Variants in PPP4R3A observed in about 807,000 individuals in gnomAD.
PPP4R3A encodes protein phosphatase 4 regulatory subunit 3A.
A neutral mutation model predicts 91.7 loss-of-function variants in PPP4R3A; 15 were observed. The observed-to-expected ratio is 0.16, with a 90% CI of 0.11 to 0.25. The LOEUF (loss-of-function observed/expected upper bound fraction) is 0.25, where lower values mean the gene tolerates loss of function less well. Among genes scored for constraint, PPP4R3A ranks in the 10% least tolerant of loss-of-function variants. The probability of loss-of-function intolerance (pLI) is 1.00; values close to 1 mark genes in which losing one functional copy is unlikely to be tolerated. For missense variants in PPP4R3A, 623 were observed against 998.4 expected (o/e 0.62, Z 5.07); for synonymous variants, 377 against 348.7 (o/e 1.08, Z -0.91).
intron 5 of PPP4R3A, 22 bp downstream of exon 5, chr14:91,476,887 T>C (rs1312933831): frequency 1.3e-6 from 2 of 1,564,518 alleles, no homozygotes; most frequent in Non-Finnish European, 1.7e-6. Flanking sequence ...TTTTATGCCT[T>C]TCATAGTATC....
chr14:91,490,648 TA>T, intron 2 of PPP4R3A, 98 bp downstream of exon 2: 1 of 888,654 alleles, frequency 1.1e-6, no homozygotes. Flanking sequence ...CAAACTGTTG[TA>T]ATCTCTTCTA....
chr14:91,489,632 T>C (rs1482154680), intron 2 of PPP4R3A, among the ~76,000 whole-genome samples: 3 of 152,232 alleles, frequency 2.0e-5, no homozygotes, highest in African/African-American at 7.2e-5. Context: ...CTTTCCTTTT[T>C]CTTAAGATGT....
intron 1 of PPP4R3A, among the ~76,000 whole-genome samples, chr14:91,491,412 A>G (rs1326228102): frequency 6.6e-6 from 1 of 151,464 alleles, no homozygotes; most frequent in African/African-American, 2.4e-5. Context: ...AGTTACAGAA[A>G]AATTATTATT....
intron 1 of PPP4R3A, among the ~76,000 whole-genome samples, chr14:91,508,733 GCA>G (rs1380114909): frequency 6.6e-6 from 1 of 152,202 alleles, no homozygotes; most frequent in East Asian, 1.9e-4. Context: ...AATTTGTGAA[GCA>G]TAAACACTAG....
At chr14:91,472,839 A>ACCAG (rs1318910894) in intron 9 of PPP4R3A, among the ~76,000 whole-genome samples, 194 bp downstream of exon 9, 4 of 151,120 alleles carry the variant, frequency 2.6e-5, no homozygotes, top group Admixed American at 6.6e-5. Context: ...CAACCAACCA[A>ACCAG]CCAACCAACC....
At chr14:91,481,021 C>A (rs1435270712) in intron 4 of PPP4R3A, among the ~76,000 whole-genome samples, 1 of 151,304 alleles carries the variant, frequency 6.6e-6, no homozygotes, top group Non-Finnish European at 1.5e-5. Context: ...GGCAACAGAG[C>A]AAGACCTCAA....
chr14:91,508,702 G>C (rs528443910), intron 1 of PPP4R3A, among the ~76,000 whole-genome samples: 1 of 152,308 alleles, frequency 6.6e-6, no homozygotes, highest in South Asian at 2.1e-4. Flanking sequence ...CTTAGTCTTT[G>C]AACCTTGAGG....
chr14:91,496,891 G>A (rs1186608987), intron 1 of PPP4R3A, among the ~76,000 whole-genome samples: 4 of 152,184 alleles, frequency 2.6e-5, no homozygotes, highest in African/African-American at 9.6e-5. Context: ...AGGTTTTATT[G>A]AGCCAAGTTA....
At chr14:91,465,859 C>CT (rs1888445277) in intron 10 of PPP4R3A, among the ~76,000 whole-genome samples, 1 of 152,084 alleles carries the variant, frequency 6.6e-6, no homozygotes, top group Non-Finnish European at 1.5e-5. Flanking sequence ...TTTGGACACT[C>CT]TTATTATTTT....
chr14:91,477,090 G>T, intron 4 of PPP4R3A, 104 bp from the exon 5 acceptor site: 2 of 770,106 alleles, frequency 2.6e-6, no homozygotes, highest in East Asian at 3.4e-5. Flanking sequence ...AAAAAGGAAA[G>T]GTGGTATTGG....
intron 7 of PPP4R3A, among the ~76,000 whole-genome samples, chr14:91,474,116 A>G (rs1175982114): frequency 6.6e-6 from 1 of 152,216 alleles, no homozygotes; most frequent in Admixed American, 6.5e-5. Context: ...CCAGTGATGT[A>G]TGTTCTCCAT....
At chr14:91,485,339 T>C (rs1199714173) in intron 3 of PPP4R3A, among the ~76,000 whole-genome samples, 2 of 152,324 alleles carry the variant, frequency 1.3e-5, no homozygotes, top group Non-Finnish European at 1.5e-5. Context: ...GGGATAGATA[T>C]ATGTGAGAAG....
chr14:91,463,593 G>A (rs1279577948), intron 11 of PPP4R3A, among the ~76,000 whole-genome samples: 2 of 151,668 alleles, frequency 1.3e-5, no homozygotes, highest in Admixed American at 6.6e-5. Flanking sequence ...ACCACCATAC[G>A]GGGCTAAGTT....
chr14:91,478,663 C>A (rs1333559936), intron 4 of PPP4R3A, among the ~76,000 whole-genome samples: 2 of 152,160 alleles, frequency 1.3e-5, no homozygotes, highest in Non-Finnish European at 2.9e-5. Flanking sequence ...AGTGACAAAT[C>A]CCCACATAAC....
chr14:91,502,981 T>C (rs1891054610), intron 1 of PPP4R3A, among the ~76,000 whole-genome samples: 1 of 152,192 alleles, frequency 6.6e-6, no homozygotes, highest in Non-Finnish European at 1.5e-5. Flanking sequence ...TTACATTTCT[T>C]TCTTTTTTAA....
intron 7 of PPP4R3A, among the ~76,000 whole-genome samples, chr14:91,474,480 T>C (rs762451981): frequency 6.6e-6 from 1 of 152,016 alleles, no homozygotes; most frequent in Non-Finnish European, 1.5e-5. Context: ...TGAAATGTTA[T>C]TCTGTTGCAA....
chr14:91,489,320 C>T (rs985068592), intron 2 of PPP4R3A, among the ~76,000 whole-genome samples: 3 of 152,160 alleles, frequency 2.0e-5, no homozygotes, highest in Admixed American at 6.5e-5. Flanking sequence ...TAAATACTTA[C>T]AATTATCAGC....
rs1324778079 is a variant in PPP4R3A, at chr14:91,485,645, T to G, written c.284A>C (p.Glu95Ala). 1 of 1,605,006 alleles carries G rather than the reference T, an allele frequency of 6.2e-7. No individual in the cohort carries two copies. Among genetic ancestry groups the G allele is most frequent in the Non-Finnish European group, 8.5e-7 (1 of 1,179,084 alleles). Residue 95 changes from glutamate (E) to alanine (A), a missense_variant, in exon 3 of 15, where the codon GAG becomes GCG. Around this residue, in one of 5 missense-constraint regions of PPP4R3A, gnomAD observed 20 missense variants for 75.6 expected, o/e 0.26. Coordinates refer to ENST00000554943, the MANE Select transcript of PPP4R3A (RefSeq NM_001366432.2). ...QEKAGCDEIW[E>A]KICQVQGKDP... is the part of the protein sequence containing the mutation. ...TTAAAAAATTACCTGACATATTTTC[T>G]CCCAAATTTCATCACATCCAGCTTT...
Position 91,463,135 on chromosome 14 carries a change from G to A in PPP4R3A, c.1831-258C>T, listed in dbSNP as rs184224074. On this transcript the variant is annotated intron_variant, in intron 11 of 14. Transcript: ENST00000554943. ...GGCTGGAGTGCAATGGCATGATCTC[G>A]GCTCACTGCAACCTCTGCCTCCTGG... 1.9e-3 allele frequency among the ~76,000 whole-genome samples: 289 copies of A among 151,910 alleles called. 3 individuals are homozygous for A. The highest frequency in any genetic ancestry group is 6.7e-3 in the African/African-American group (277 of 41,414).
Sources: gnomAD v4.1 joint callset for allele counts (sites outside exome capture counted in the v4.1 genomes callset) on GRCh38, gnomAD v4.1.1 for gene constraint, gnomAD v4.1.1 regional missense constraint, MANE v1.5 for transcripts, NCBI Gene and HGNC (gene_info 2026-07-23, HGNC 2026-07-21) for gene names.